Variants in UPF2 observed in about 807,000 individuals in gnomAD.
UPF2 encodes the protein UPF2 regulator of nonsense mediated mRNA decay.
UPF2 carries 17 observed loss-of-function variants against 141.4 expected under a neutral mutation model. The ratio of observed to expected loss-of-function variants is 0.12; its 90% CI spans 0.08 to 0.18. UPF2 has a LOEUF of 0.18. Among genes scored for constraint, UPF2 ranks in the 10% least tolerant of loss-of-function variants. The pLI, the probability that UPF2 is intolerant of heterozygous loss-of-function variation, is 1.00. For synonymous variants in UPF2, 540 were observed against 498.0 expected, an observed-to-expected ratio of 1.08 and a Z score of -1.12; for missense variants, 1,152 against 1,515.9, an observed-to-expected ratio of 0.76 and a Z score of 3.99.
intron 18 of UPF2, among the ~76,000 whole-genome samples, chr10:11,938,867 T>TTTTTTTTTG (rs1832896046): frequency 9.7e-6 from 1 of 103,358 alleles, no homozygotes; most frequent in East Asian, 3.2e-4. Flanking sequence ...TTTTTTTTTT[T>TTTTTTTTTG]TTTTTTTTTT....
chr10:11,943,955 G>C (rs1202088950), intron 16 of UPF2, among the ~76,000 whole-genome samples: 3 of 148,518 alleles, frequency 2.0e-5, no homozygotes, highest in South Asian at 2.1e-4. Flanking sequence ...CTCCACCCCA[G>C]TATCCCAAGT....
chr10:11,955,142 A>G, intron 14 of UPF2, 90 bp downstream of exon 14: 1 of 1,238,824 alleles, frequency 8.1e-7, no homozygotes, highest in East Asian at 2.6e-5. Context: ...ATAATATATG[A>G]ATACCATAAC....
Position 11,997,738 on chromosome 10 carries a change from A to T in UPF2, c.1778T>A (p.Met593Lys). 1.9e-6 allele frequency: 3 copies of T among 1,613,870 alleles called. No homozygotes were observed. The highest frequency in any genetic ancestry group is 2.5e-6 in the Non-Finnish European group (3 of 1,179,882). The part of the protein sequence containing the change: ...LIDKAAMDFC[M>K]NMNTKANRKK... Reference sequence around the variant, plus strand: ...CCTGTTTGCTTTTGTGTTCATGTTCATGCAAAAATCCATTGCTGCCTATTG... The same window carrying T: ...CCTGTTTGCTTTTGTGTTCATGTTCTTGCAAAAATCCATTGCTGCCTATTG... The change falls in exon 8 of 22, where the codon ATG becomes AAG. Residue 593 changes from methionine to lysine, a missense_variant. By Grantham distance (95) the Met-to-Lys change is moderately conservative. Around this residue, in one of 4 missense-constraint regions of UPF2, gnomAD observed 739 missense variants for 1,032.2 expected, o/e 0.72. Transcript: ENST00000357604.
At chr10:11,985,948 G>A (rs117816225) in intron 8 of UPF2, among the ~76,000 whole-genome samples, 9,228 of 138,692 alleles carry the variant, frequency 0.067, 506 homozygotes, top group East Asian at 0.26. Context: ...GCAGTGGCAC[G>A]ATCCCCACTC....
At chr10:12,017,183 G>A (rs185597897) in intron 3 of UPF2, among the ~76,000 whole-genome samples, 59 of 152,262 alleles carry the variant, frequency 3.9e-4, no homozygotes, top group Non-Finnish European at 7.4e-5. Context: ...CTGGTTCTAA[G>A]AGATTTCAAA....
chr10:11,987,655 G>A (rs1588554695), intron 8 of UPF2, among the ~76,000 whole-genome samples: 1 of 150,284 alleles, frequency 6.7e-6, no homozygotes, highest in Non-Finnish European at 1.5e-5. Flanking sequence ...CCAGCTACTA[G>A]GGAGGCTGAG....
intron 8 of UPF2, among the ~76,000 whole-genome samples, chr10:11,993,845 C>T (rs969171881): frequency 6.6e-6 from 1 of 151,954 alleles, no homozygotes; most frequent in African/African-American, 2.4e-5. Flanking sequence ...AAAAATTAGC[C>T]AGACATGGTG....
chr10:12,015,233 T>C (rs553036444), intron 3 of UPF2, among the ~76,000 whole-genome samples: 1 of 152,324 alleles, frequency 6.6e-6, no homozygotes, highest in African/African-American at 2.4e-5. Context: ...TTGCGTTTTC[T>C]TACAAACAGT....
rs1015659098 is a variant in UPF2 at position 12,019,003 on chromosome 10, T to C, written c.1146-4819A>G. 6.6e-5 allele frequency among the ~76,000 whole-genome samples: 10 copies of C among 152,360 alleles called. No individual in the cohort carries two copies. The highest frequency in any genetic ancestry group is 5.2e-4 in the Admixed American group (8 of 15,290). Reference sequence around the variant, plus strand: ...CAAAAAATATGACCAAAATTTCTCATGTGAATTCCATGGGAATGTATCACT... The same window carrying C: ...CAAAAAATATGACCAAAATTTCTCACGTGAATTCCATGGGAATGTATCACT... On this transcript the variant is annotated intron_variant, in intron 3 of 21. Transcript: ENST00000357604. The surrounding 1 kb of genome is among the most constrained non-coding windows in gnomAD (Gnocchi z 4.5).
At chr10:12,020,376 T>C (rs1834296899) in intron 3 of UPF2, among the ~76,000 whole-genome samples, 1 of 151,892 alleles carries the variant, frequency 6.6e-6, no homozygotes, top group South Asian at 2.1e-4. Flanking sequence ...CTCAGCCTCC[T>C]GAGTAGCTGG....
intron 12 of UPF2, among the ~76,000 whole-genome samples, chr10:11,957,044 C>A (rs73571367): frequency 2.4e-3 from 370 of 152,290 alleles, no homozygotes; most frequent in African/African-American, 7.6e-3. Context: ...TGGCCTCCAA[C>A]GCCGACGTCA....
chr10:12,026,069 C>T (rs1353121792), intron 3 of UPF2, among the ~76,000 whole-genome samples: 1 of 152,182 alleles, frequency 6.6e-6, no homozygotes, highest in Non-Finnish European at 1.5e-5. Flanking sequence ...GCTGACATTA[C>T]AGGCGTGAGC....
intron 8 of UPF2, among the ~76,000 whole-genome samples, chr10:11,984,749 G>C (rs947121272): frequency 6.7e-6 from 1 of 148,690 alleles, no homozygotes; most frequent in Non-Finnish European, 1.5e-5. Flanking sequence ...GTCTCACTCT[G>C]TTGCCCAGGC....
In UPF2 at chr10:11,936,067, T is replaced by TA. The variant is rs1832845689; in HGVS notation, c.3546+477dup. Among the ~76,000 whole-genome samples the TA allele has an allele frequency of 6.6e-6, 1 of 152,138 alleles. No individual in the cohort carries two copies. The highest frequency in any genetic ancestry group is 1.5e-5 in the Non-Finnish European group (1 of 68,020). On this transcript the variant is annotated intron_variant, in intron 19 of 21. Coordinates refer to ENST00000357604, the MANE Select transcript of UPF2 (RefSeq NM_015542.4). The surrounding 1 kb of genome is among the most constrained non-coding windows in gnomAD (Gnocchi z 6.6). ...GTACTTACATATTCTTACAAACATG[T>TA]ATGATTTAAAACACATAAGGGGCCA...
intron 3 of UPF2, among the ~76,000 whole-genome samples, chr10:12,020,232 T>C (rs1011999033): frequency 9.2e-5 from 14 of 151,830 alleles, no homozygotes; most frequent in African/African-American, 3.1e-4. Context: ...CTTTGTATTA[T>C]CCTAAAAAAT....
Position 12,029,323 on chromosome 10 carries a change from C to A in UPF2, c.567G>T (p.Leu189Phe). 6.2e-7 allele frequency: 1 copy of A among 1,614,112 alleles called. No individual in the cohort carries two copies. The highest frequency in any genetic ancestry group is 1.1e-5 in the South Asian group (1 of 91,068). ...AATTTAGGCCATTAAAATCATGGGA[C>A]AAGGAGTCTCTCTGTTGTTCTGTAA... is the stretch of plus-strand genomic sequence containing the variant. ...KTITEQQRDS[L>F]SHDFNGLNLS... The change falls in exon 3 of 22, where the codon TTG becomes TTT. Residue 189 changes from leucine to phenylalanine, a missense_variant. By Grantham distance (22) the Leu-to-Phe change is conservative. Transcript: ENST00000357604.
At chr10:12,026,702 G>A in intron 3 of UPF2, 1 of 442,616 alleles carries the variant, frequency 2.3e-6, no homozygotes, top group Non-Finnish European at 4.5e-6. Context: ...CCAGGCTGGA[G>A]TGCAATGGCA....
At chr10:12,002,655 G>A (rs755801407) in intron 5 of UPF2, among the ~76,000 whole-genome samples, 11 of 152,138 alleles carry the variant, frequency 7.2e-5, no homozygotes, top group Non-Finnish European at 1.0e-4. Context: ...TGAAGGGTTA[G>A]AGAAAACCAA....
rs754527369 is a variant in UPF2, at chr10:11,948,458, G to A, written c.3085C>T (p.Leu1029Phe). Residue 1029 changes from leucine to phenylalanine, a missense_variant, in exon 16 of 22, where the codon CTT (leucine) becomes TTT (phenylalanine). Leu to Phe is a conservative substitution (Grantham distance 22). This residue lies in a region of UPF2 where 202 missense variants were observed against 223.6 expected (regional missense o/e 0.90). Transcript: ENST00000357604. Reference protein sequence around the residue: ...SKDSMTEGENLEEDEEEEEGG... With the variant: ...SKDSMTEGENFEEDEEEEEGG... ...TCTTCTTCTTCTTCATCCTCTTCAA[G>A]ATTTTCTCCTTCTGTCATAGAATCT... is the stretch of plus-strand genomic sequence containing the variant. 4 of 1,612,908 alleles carry A rather than the reference G, an allele frequency of 2.5e-6. No homozygotes were observed. Among genetic ancestry groups the A allele is most frequent in the Middle Eastern group, 1.6e-4 (1 of 6,082 alleles).
Sources: gnomAD v4.1 joint callset for allele counts (sites outside exome capture counted in the v4.1 genomes callset) on GRCh38, gnomAD v4.1.1 for gene constraint, gnomAD v4.1.1 regional missense constraint, Gnocchi (gnomAD v3.1) non-coding constraint, MANE v1.5 for transcripts, NCBI Gene and HGNC (gene_info 2026-07-23, HGNC 2026-07-21) for gene names.